ANP32E: variants seen among roughly 807,000 people sequenced by gnomAD.
ANP32E encodes the protein acidic leucine-rich nuclear phosphoprotein 32 family member E.
ANP32E carries 14 observed loss-of-function variants against 35.3 expected under a neutral mutation model. That is an observed-to-expected ratio of 0.40 (90% CI 0.26 to 0.62). The LOEUF (loss-of-function observed/expected upper bound fraction) is 0.62, where lower values mean the gene tolerates loss of function less well. Ranked by LOEUF, ANP32E falls within the 20% of genes least tolerant of loss-of-function variation. ANP32E has a pLI of 0.45. For synonymous variants in ANP32E, 89 were observed against 110.4 expected (o/e 0.81, Z 1.22); for missense variants, 198 against 304.4 (o/e 0.65, Z 2.60).
intron 1 of ANP32E, among the ~76,000 whole-genome samples, chr1:150,233,398 C>T (rs1241429525): frequency 1.3e-5 from 2 of 151,602 alleles, no homozygotes; most frequent in African/African-American, 4.8e-5. Context: ...TATGAAGAAA[C>T]GTTAGAAAGC....
At position 150,220,010 on chromosome 1, in the gene ANP32E, T is replaced by A. The variant is rs1161070335; in HGVS notation, c.*681A>T. On this transcript the variant is annotated 3_prime_UTR_variant, in exon 7 of 7. Transcript: ENST00000583931. Reference sequence around the variant, plus strand: ...TTGCAGCCTGACAAAAGGGCTCACCTGCATGTCTCTGGACTTAGTATAAGC... The same window carrying A: ...TTGCAGCCTGACAAAAGGGCTCACCAGCATGTCTCTGGACTTAGTATAAGC... 1 of 152,132 alleles carries A rather than the reference T, an allele frequency of 6.6e-6. No homozygotes were observed. Among genetic ancestry groups the A allele is most frequent in the African/African-American group, 2.4e-5 (1 of 41,428 alleles). 9.4% of individuals were successfully genotyped at this position (152,132 alleles called of 1,614,324 possible). A position where few individuals can be genotyped will look rare whatever the true frequency, so the allele number is the denominator to read the frequency against.
chr1:150,226,707 CTCCTCT>C lies in ANP32E; in HGVS notation c.576_581del (p.Glu193_Glu194del), dbSNP rs56692627. Reference sequence around the variant, plus strand: ...CTTCATCTTCATCCTCATCCTCATCCTCCTCTTCCTCTTCCTCCTCCTCTTCCTCAT... The same window carrying C: ...CTTCATCTTCATCCTCATCCTCATCCTCCTCTTCCTCCTCCTCTTCCTCAT... On this transcript the variant is annotated inframe_deletion, in exon 5 of 7. Coordinates refer to ENST00000583931, the MANE Select transcript of ANP32E (RefSeq NM_030920.5). The C allele has an allele frequency of 0.29, 451,061 of 1,573,390 alleles. 68,909 individuals are homozygous for C. Among genetic ancestry groups the C allele is most frequent in the East Asian group, 0.5 (21,913 of 44,258 alleles).
intron 3 of ANP32E, among the ~76,000 whole-genome samples, chr1:150,229,986 T>G (rs1229517648): frequency 5.3e-5 from 8 of 152,352 alleles, no homozygotes; most frequent in African/African-American, 1.9e-4. Flanking sequence ...TTTTTCGAGT[T>G]TTATAATGAA....
intron 4 of ANP32E, 48 bp from the exon 5 acceptor site, chr1:150,226,843 T>A: frequency 1.9e-6 from 3 of 1,554,096 alleles, no homozygotes; most frequent in Non-Finnish European, 2.6e-6. Context: ...TAAATGTTTC[T>A]TCCTAGGATG....
chr1:150,226,854 T>A (rs781190514), intron 4 of ANP32E, 59 bp from the exon 5 acceptor site: 1 of 1,538,874 alleles, frequency 6.5e-7, no homozygotes, highest in Admixed American at 2.0e-5. Flanking sequence ...TCCTAGGATG[T>A]TGATGCTTTT....
chr1:150,220,068 C>T lies in ANP32E; in HGVS notation c.*623G>A, dbSNP rs1648209698. 1 of 152,114 alleles carries T rather than the reference C, an allele frequency of 6.6e-6. No individual in the cohort carries two copies. The allele number at this position is 152,114 out of a possible 1,614,324, so 9.4% of individuals were successfully genotyped here. On this transcript the variant is annotated 3_prime_UTR_variant, in exon 7 of 7. Transcript: ENST00000583931. Reference sequence around the variant, plus strand: ...CCTTCAAAAATAAAATCTTATCAGTCACCACTAAATCCATGAACCATATTA... The same window carrying T: ...CCTTCAAAAATAAAATCTTATCAGTTACCACTAAATCCATGAACCATATTA...
Position 150,235,602 on chromosome 1 carries a change from C to T in ANP32E, c.54+131G>A. ...ATTTAAAACTTAAAATTAAACATTT[C>T]CCCAACCCTAACCCGGGGGGATGGG... On this transcript the variant is annotated intron_variant, in intron 1 of 6. Transcript: ENST00000583931. This position sits in a 1 kb window ranked among gnomAD's most constrained non-coding sequence, Gnocchi z 4.2. 3 of 968,632 alleles carry T rather than the reference C, an allele frequency of 3.1e-6. No individual in the cohort carries two copies. Among genetic ancestry groups the T allele is most frequent in the South Asian group, 1.6e-5 (1 of 60,964 alleles). The allele number at this position is 968,632 out of a possible 1,614,324, so 60.0% of individuals were successfully genotyped here.
At chr1:150,221,156 G>A (rs962660287) in intron 6 of ANP32E, among the ~76,000 whole-genome samples, 2 of 136,642 alleles carry the variant, frequency 1.5e-5, no homozygotes, top group Non-Finnish European at 3.1e-5. Context: ...GAAGAAAATT[G>A]GCCAGGTAAG....
chr1:150,233,541 T>C (rs983457527), intron 1 of ANP32E, among the ~76,000 whole-genome samples: 12 of 152,162 alleles, frequency 7.9e-5, no homozygotes, highest in Non-Finnish European at 1.6e-4. Flanking sequence ...CTGTGCACTT[T>C]TCCCCATTCC....
chr1:150,221,898 C>T (rs1648438251), intron 6 of ANP32E, among the ~76,000 whole-genome samples: 2 of 151,992 alleles, frequency 1.3e-5, no homozygotes, highest in African/African-American at 4.8e-5. Context: ...TCAAGACCAG[C>T]CCGGGCAACA....
chr1:150,221,175 C>T (rs114485384), intron 6 of ANP32E, among the ~76,000 whole-genome samples: 3,051 of 148,018 alleles, frequency 0.021, 130 homozygotes, highest in African/African-American at 0.07. Context: ...AGGTGGCTCA[C>T]GCCAGTAATT....
intron 4 of ANP32E, among the ~76,000 whole-genome samples, chr1:150,228,697 T>TTA (rs1287042231): frequency 8.4e-5 from 12 of 142,698 alleles, no homozygotes; most frequent in African/African-American, 3.1e-4. Context: ...CCTCTCAACA[T>TTA]AAAAAAAAAA....
chr1:150,232,365 C>A (rs1470186918), intron 1 of ANP32E, among the ~76,000 whole-genome samples: 2 of 136,490 alleles, frequency 1.5e-5, no homozygotes, highest in Non-Finnish European at 3.2e-5. Flanking sequence ...AAAATAACAA[C>A]ACAACAGAAA....
At chr1:150,234,438 AAAAAT>A in intron 1 of ANP32E, 1 of 283,260 alleles carries the variant, frequency 3.5e-6, no homozygotes, top group Non-Finnish European at 5.3e-6. Context: ...AAAAAAAAAA[AAAAAT>A]CTTAGTTGCC....
intron 1 of ANP32E, among the ~76,000 whole-genome samples, chr1:150,233,399 G>A (rs1213616444): frequency 6.6e-6 from 1 of 151,544 alleles, no homozygotes; most frequent in African/African-American, 2.4e-5. Context: ...ATGAAGAAAC[G>A]TTAGAAAGCT....
rs1456567142 is a variant in ANP32E, at chr1:150,235,070, C to T, written c.54+663G>A. ...GATTACGCCTCCCGTCCCCTCTCCA[C>T]CTCCGGTCACTGCGACGAGTCCCCA... On this transcript the variant is annotated intron_variant, in intron 1 of 6. Coordinates refer to ENST00000583931, the MANE Select transcript of ANP32E (RefSeq NM_030920.5). The surrounding 1 kb of genome is among the most constrained non-coding windows in gnomAD (Gnocchi z 4.2). Among the ~76,000 whole-genome samples the T allele has an allele frequency of 1.3e-5, 2 of 152,244 alleles. No individual in the cohort carries two copies. The highest frequency in any genetic ancestry group is 2.4e-5 in the African/African-American group (1 of 41,462).
In ANP32E at chr1:150,235,817, C is replaced by A. The variant is rs375078629; in HGVS notation, c.-31G>T. ...CCTCTTGCTCTTCAGCTACTACTCTCCTTTTCCCTTTCCTGCCTTCCCCAA... is the reference window on the plus strand; with the variant it reads ...CCTCTTGCTCTTCAGCTACTACTCTACTTTTCCCTTTCCTGCCTTCCCCAA... On this transcript the variant is annotated 5_prime_UTR_variant, in exon 1 of 7. Coordinates refer to ENST00000583931, the MANE Select transcript of ANP32E (RefSeq NM_030920.5). The surrounding 1 kb of genome is among the most constrained non-coding windows in gnomAD (Gnocchi z 4.2). 9.7e-5 allele frequency: 149 copies of A among 1,533,832 alleles called. No homozygotes were observed. The highest frequency in any genetic ancestry group is 1.3e-4 in the Non-Finnish European group (149 of 1,120,864).
Position 150,235,539 on chromosome 1 carries a change from C to T in ANP32E, c.54+194G>A. Reference sequence around the variant, plus strand: ...GCACACACAAAAACGCCCCTAGAAACTTCAACCCTTCGCCATTTTAAGTAG... The same window carrying T: ...GCACACACAAAAACGCCCCTAGAAATTTCAACCCTTCGCCATTTTAAGTAG... On this transcript the variant is annotated intron_variant, in intron 1 of 6. Coordinates refer to ENST00000583931, the MANE Select transcript of ANP32E (RefSeq NM_030920.5). This position sits in a 1 kb window ranked among gnomAD's most constrained non-coding sequence, Gnocchi z 4.2. 6.6e-6 allele frequency among the ~76,000 whole-genome samples: 1 copy of T among 152,218 alleles called. No individual in the cohort carries two copies. The highest frequency in any genetic ancestry group is 1.9e-4 in the East Asian group (1 of 5,204).
At chr1:150,226,265 CA>C (rs782252826) in intron 5 of ANP32E, among the ~76,000 whole-genome samples, 3 of 152,102 alleles carry the variant, frequency 2.0e-5, no homozygotes, top group South Asian at 2.1e-4. Context: ...CCTCAGCCTC[CA>C]AAAGTACTGG....
Sources: allele counts gnomAD v4.1 joint callset (sites outside exome capture counted in the v4.1 genomes callset), GRCh38; gene constraint gnomAD v4.1.1; non-coding constraint Gnocchi (gnomAD v3.1); transcripts MANE v1.5; gene names NCBI Gene and HGNC (gene_info 2026-07-23, HGNC 2026-07-21).